The following NCOR2 variants were observed in gnomAD, a reference collection of about 807,000 sequenced individuals.
NCOR2 encodes nuclear receptor corepressor 2, also known as CTG repeat protein 26.
A neutral mutation model predicts 262.9 loss-of-function variants in NCOR2; 81 were observed. The ratio of observed to expected loss-of-function variants is 0.31; its 90% CI spans 0.26 to 0.37. The LOEUF (loss-of-function observed/expected upper bound fraction) is 0.37. Among genes scored for constraint, NCOR2 ranks in the 10% least tolerant of loss-of-function variants. NCOR2 has a pLI of 1.00. For synonymous variants in NCOR2, 1,659 were observed against 1,559.3 expected (o/e 1.06, Z -1.51); for missense variants, 3,385 against 3,621.4 (o/e 0.93, Z 1.68).
chr12:124,340,265 A>G, intron 36 of NCOR2, 29 bp downstream of exon 38: 1 of 1,607,400 alleles, frequency 6.2e-7, no homozygotes, highest in Non-Finnish European at 8.5e-7. Context: ...GGAGTCCCGG[A>G]GCGGGGGGTG....
chr12:124,387,492 A>G (rs2040901037), intron 16 of NCOR2, among the ~76,000 whole-genome samples: 1 of 152,222 alleles, frequency 6.6e-6, no homozygotes, highest in South Asian at 2.1e-4. Flanking sequence ...AGGACCAGCC[A>G]AGGGGGGCAA....
At chr12:124,417,585 G>A (rs912043169) in intron 13 of NCOR2, among the ~76,000 whole-genome samples, 3 of 152,128 alleles carry the variant, frequency 2.0e-5, no homozygotes, top group Admixed American at 1.3e-4. Context: ...ATACAGTAGG[G>A]GCCCAACAGA....
intron 8 of NCOR2, among the ~76,000 whole-genome samples, chr12:124,436,882 G>A (rs1419468637): frequency 6.6e-6 from 1 of 152,216 alleles, no homozygotes; most frequent in Non-Finnish European, 1.5e-5. Flanking sequence ...GAGGTCGGGA[G>A]TTCAAGACCA....
intron 1 of NCOR2, among the ~76,000 whole-genome samples, chr12:124,520,887 G>A (rs930460241): frequency 5.3e-5 from 8 of 152,158 alleles, no homozygotes; most frequent in African/African-American, 1.4e-4. Flanking sequence ...GGGAAAGATC[G>A]GTGAAGACCC....
rs1309808651 is a variant in NCOR2, at chr12:124,482,643, G to A, written c.411+953C>T. Among the ~76,000 whole-genome samples, 1 of 152,216 alleles carries A rather than the reference G, an allele frequency of 6.6e-6. No individual in the cohort carries two copies. Among genetic ancestry groups the A allele is most frequent in the African/African-American group, 2.4e-5 (1 of 41,452 alleles). On this transcript the variant is annotated intron_variant, in intron 3 of 46. Transcript: ENST00000405201. This position sits in a 1 kb window ranked among gnomAD's most constrained non-coding sequence, Gnocchi z 6.3. ...CAAAGGCAGCACAGCTGTGGAGGTG[G>A]GGGTGGTGGAAATCGCACCTGGGTC...
At chr12:124,365,303 A>G (rs114124574) in intron 20 of NCOR2, among the ~76,000 whole-genome samples, 1 of 152,202 alleles carries the variant, frequency 6.6e-6, no homozygotes, top group East Asian at 1.9e-4. Context: ...ACGACGTCCT[A>G]TGCAGACTAT....
At chr12:124,469,348 G>A (rs1164537014) in intron 4 of NCOR2, among the ~76,000 whole-genome samples, 1 of 152,164 alleles carries the variant, frequency 6.6e-6, no homozygotes, top group African/African-American at 2.4e-5. Context: ...CATCGCTGGC[G>A]GTTTGAGCAG....
At chr12:124,551,777 G>A (rs1390230176) in intron 1 of NCOR2, among the ~76,000 whole-genome samples, 3 of 152,190 alleles carry the variant, frequency 2.0e-5, no homozygotes, top group Non-Finnish European at 4.4e-5. Flanking sequence ...AGGCCTGGGG[G>A]AAGGAGGCGC....
chr12:124,378,404 C>T lies in NCOR2; in HGVS notation c.2020-20G>A. On this transcript the variant is annotated intron_variant, in intron 17 of 46. Transcript: ENST00000405201. This position sits in a 1 kb window ranked among gnomAD's most constrained non-coding sequence, Gnocchi z 4.2. ...CTTCTCCTGGGGCACAGGGAAGCAGCAGATCAGGACTGGGGCCTGGGCTGT... is the reference window on the plus strand; with the variant it reads ...CTTCTCCTGGGGCACAGGGAAGCAGTAGATCAGGACTGGGGCCTGGGCTGT... The T allele has an allele frequency of 6.2e-7, 1 of 1,602,682 alleles. No individual in the cohort carries two copies.
intron 1 of NCOR2, among the ~76,000 whole-genome samples, chr12:124,524,753 G>A (rs2050367770): frequency 6.6e-6 from 1 of 152,182 alleles, no homozygotes; most frequent in Non-Finnish European, 1.5e-5. Flanking sequence ...ACTCGTCCCT[G>A]GACGCCTGGC....
Position 124,515,326 on chromosome 12 carries a change from C to CCA in NCOR2, c.-117-19960_-117-19959dup, listed in dbSNP as rs553725070. ...GTGGTTGCAGTGAGCTGAGATCGTG[C>CCA]CACTGCACTGCACTCCAGCCTGGGT... is the stretch of plus-strand genomic sequence containing the variant. On this transcript the variant is annotated intron_variant, in intron 1 of 46. Coordinates refer to the NCOR2 transcript ENST00000404621. Among the ~76,000 whole-genome samples the CCA allele has an allele frequency of 5.4e-4, 82 of 151,916 alleles. 1 individual carries two copies. Among genetic ancestry groups the CCA allele is most frequent in the African/African-American group, 1.9e-3 (78 of 41,410 alleles).
rs140361502 is a variant in NCOR2, at chr12:124,554,892, G to A, written c.-165+12416C>T. Among the ~76,000 whole-genome samples the A allele has an allele frequency of 6.8e-3, 1,037 of 152,370 alleles. 10 individuals are homozygous for A. The highest frequency in any genetic ancestry group is 6.8e-3 in the Non-Finnish European group (462 of 68,036). ...AGCTGGCCGCAGCCTGGGAGCCTTCGAGGGTGACCCGGAGGGGAATGGGTT... is the reference window on the plus strand; with the variant it reads ...AGCTGGCCGCAGCCTGGGAGCCTTCAAGGGTGACCCGGAGGGGAATGGGTT... On this transcript the variant is annotated intron_variant, in intron 1 of 32. Transcript: ENST00000458234.
intron 8 of NCOR2, among the ~76,000 whole-genome samples, chr12:124,431,459 G>C (rs983210232): frequency 1.4e-5 from 2 of 147,516 alleles, no homozygotes; most frequent in Admixed American, 6.8e-5. Context: ...CAGTCATATA[G>C]GCAGATACAC....
At chr12:124,385,639 C>G (rs950611411) in intron 17 of NCOR2, 106 bp downstream of exon 19, 1 of 1,479,018 alleles carries the variant, frequency 6.8e-7, no homozygotes, top group Non-Finnish European at 9.1e-7. Flanking sequence ...GGCATAATAG[C>G]CCCTCCCTGG....
chr12:124,536,906 A>C (rs989161969), upstream of NCOR2, among the ~76,000 whole-genome samples: 1 of 152,232 alleles, frequency 6.6e-6, no homozygotes. Flanking sequence ...CCAACGGTCC[A>C]TCGACAGGTG....
At chr12:124,466,271 C>G (rs1022524509) in exon 5 of NCOR2, 7 of 1,607,208 alleles carry the variant, frequency 4.4e-6, no homozygotes, top group Non-Finnish European at 5.9e-6. Flanking sequence ...TTGGCAGCCT[C>G]CTCCTCCAGC....
At chr12:124,426,223 A>C (rs2136323452) in intron 11 of NCOR2, among the ~76,000 whole-genome samples, 1 of 152,270 alleles carries the variant, frequency 6.6e-6, no homozygotes, top group South Asian at 2.1e-4. Flanking sequence ...TTCCAGATGT[A>C]ATTAGTTGAA....
Position 124,336,655 on chromosome 12 carries a change from G to A in NCOR2, c.6115+98C>T, listed in dbSNP as rs996952085. The A allele has an allele frequency of 6.5e-5, 99 of 1,521,450 alleles. 1 individual carries two copies. Among genetic ancestry groups the A allele is most frequent in the Middle Eastern group, 2.4e-4 (1 of 4,120 alleles). 94.2% of individuals were successfully genotyped at this position (1,521,450 alleles called of 1,614,324 possible). A position where few individuals can be genotyped will look rare whatever the true frequency, so the allele number is the denominator to read the frequency against. On this transcript the variant is annotated intron_variant, in intron 38 of 46. Coordinates refer to ENST00000405201, the Ensembl canonical transcript of NCOR2. ...AAGTCTTACCATCGCGAGGGGAGCC[G>A]TTGGCCAGCGCACCTCCTTCTCGCG...
chr12:124,373,648 G>A (rs1433545064), intron 19 of NCOR2, among the ~76,000 whole-genome samples: 2 of 135,398 alleles, frequency 1.5e-5, no homozygotes, highest in Non-Finnish European at 3.2e-5. Context: ...CAGGGGCCCC[G>A]GGCACAGTGG....
Sources: allele counts gnomAD v4.1 joint callset (sites outside exome capture counted in the v4.1 genomes callset), GRCh38; gene constraint gnomAD v4.1.1; non-coding constraint Gnocchi (gnomAD v3.1); transcripts MANE v1.5; gene names NCBI Gene and HGNC (gene_info 2026-07-23, HGNC 2026-07-21).